Variants in CNTN5 observed in about 807,000 individuals in gnomAD.
CNTN5 encodes contactin 5, also known as contactin-5.
CNTN5 carries 77 observed loss-of-function variants against 129.1 expected under a neutral mutation model. The ratio of observed to expected loss-of-function variants is 0.60; its 90% CI spans 0.50 to 0.72. CNTN5 has a LOEUF of 0.72. CNTN5 is among the 30% of genes least tolerant of loss of function. The pLI, the probability that CNTN5 is intolerant of heterozygous loss-of-function variation, is 0.00. For missense variants in CNTN5, 1,478 were observed against 1,328.8 expected, an observed-to-expected ratio of 1.11 and a Z score of -1.75; for synonymous variants, 509 against 465.6, an observed-to-expected ratio of 1.09 and a Z score of -1.20.
intron 4 of CNTN5, among the ~76,000 whole-genome samples, chr11:99,839,131 AAGG>A (rs1296820547): frequency 6.6e-6 from 1 of 152,166 alleles, no homozygotes; most frequent in Non-Finnish European, 1.5e-5. Flanking sequence ...CAAGATTAAA[AAGG>A]AGGCATGAAA....
At chr11:99,380,081 C>CTGTGTGTGTGTGTG (rs10671165) in intron 2 of CNTN5, among the ~76,000 whole-genome samples, 1 of 148,194 alleles carries the variant, frequency 6.7e-6, no homozygotes, top group East Asian at 2.0e-4. Context: ...AATGGTGTGT[C>CTGTGTGTGTGTGTG]TGTGTGTGTG....
intron 3 of CNTN5, among the ~76,000 whole-genome samples, chr11:99,595,784 A>G (rs1017920777): frequency 4.6e-5 from 7 of 151,900 alleles, no homozygotes; most frequent in Non-Finnish European, 1.0e-4. Context: ...ATGACTGTAT[A>G]TACTATTAGT....
At chr11:99,293,752 A>G (rs1037577965) in intron 1 of CNTN5, among the ~76,000 whole-genome samples, 4 of 151,990 alleles carry the variant, frequency 2.6e-5, no homozygotes, top group African/African-American at 7.2e-5. Context: ...TTTTTCTGGT[A>G]CCAGGTGTAA....
chr11:99,957,072 G>T (rs949935458), intron 8 of CNTN5, 63 bp downstream of exon 8: 8 of 1,381,074 alleles, frequency 5.8e-6, no homozygotes, highest in East Asian at 2.4e-5. Context: ...AGATGTATTA[G>T]TGTGTGTTTT....
chr11:99,322,791 A>G (rs966581669), intron 1 of CNTN5, among the ~76,000 whole-genome samples: 1 of 152,206 alleles, frequency 6.6e-6, no homozygotes, highest in Non-Finnish European at 1.5e-5. Context: ...AGAGGGAGTT[A>G]TGATTGTAAA....
At chr11:99,950,674 T>G (rs1021687527) in intron 7 of CNTN5, among the ~76,000 whole-genome samples, 1 of 152,180 alleles carries the variant, frequency 6.6e-6, no homozygotes, top group Non-Finnish European at 1.5e-5. Flanking sequence ...AAATTGTGCT[T>G]TATGCTAGAT....
At chr11:99,309,740 C>T (rs984773071) in intron 1 of CNTN5, among the ~76,000 whole-genome samples, 16 of 152,140 alleles carry the variant, frequency 1.1e-4, no homozygotes, top group African/African-American at 3.9e-4. Context: ...CCAAAATTCC[C>T]TACGATGGTT....
intron 2 of CNTN5, among the ~76,000 whole-genome samples, chr11:99,418,578 G>A (rs978337577): frequency 6.6e-6 from 1 of 152,244 alleles, no homozygotes; most frequent in African/African-American, 2.4e-5. Context: ...CTTTTTGGAA[G>A]TTTTCGGTAC....
intron 1 of CNTN5, among the ~76,000 whole-genome samples, chr11:99,239,021 G>T (rs968438581): frequency 6.6e-6 from 1 of 152,012 alleles, no homozygotes; most frequent in African/African-American, 2.4e-5. Flanking sequence ...GGTTTATGTA[G>T]TAGTTTATTT....
At position 99,746,004 on chromosome 11, in the gene CNTN5, A is replaced by G. The variant is rs540583173; in HGVS notation, c.56-73540A>G. 8.5e-5 allele frequency among the ~76,000 whole-genome samples: 13 copies of G among 152,350 alleles called. No homozygotes were observed. In the South Asian group the frequency reaches 2.7e-3, roughly 32 times the overall value. On this transcript the variant is annotated intron_variant, in intron 3 of 24. Transcript: ENST00000524871. ...AGGGAAGTATTACCAAAAAAGTAACACTAAAAGGATTTTGAAAGGTTAAGA... is the reference window on the plus strand; with the variant it reads ...AGGGAAGTATTACCAAAAAAGTAACGCTAAAAGGATTTTGAAAGGTTAAGA...
chr11:100,005,587 T>C (rs1182036229), intron 9 of CNTN5, among the ~76,000 whole-genome samples: 1 of 152,146 alleles, frequency 6.6e-6, no homozygotes, highest in Non-Finnish European at 1.5e-5. Context: ...GAAACTTTAT[T>C]TTTATTTTAT....
intron 1 of CNTN5, among the ~76,000 whole-genome samples, chr11:99,090,096 T>C (rs1258161241): frequency 1.3e-5 from 2 of 152,356 alleles, no homozygotes; most frequent in East Asian, 3.9e-4. Flanking sequence ...ATGATGATTG[T>C]TTTTAATAGA....
In CNTN5 at chr11:99,122,149, T is replaced by C. The variant is rs942134864; in HGVS notation, c.-210+100879T>C. On this transcript the variant is annotated intron_variant, in intron 1 of 24. Transcript: ENST00000524871. ...CCCTCCAACCTCCCCCCAACTCCAC[T>C]TTTTATGTTCTTTTTTCTTCTTGCT... 3.9e-5 allele frequency among the ~76,000 whole-genome samples: 6 copies of C among 151,954 alleles called. No individual in the cohort carries two copies. The East Asian group carries it at 1.2e-3, about 29-fold the overall frequency.
intron 21 of CNTN5, among the ~76,000 whole-genome samples, chr11:100,331,667 G>A (rs1019242267): frequency 1.3e-5 from 2 of 151,962 alleles, no homozygotes; most frequent in African/African-American, 4.8e-5. Context: ...AATTGGAGAT[G>A]AGTTCAAAAA....
intron 1 of CNTN5, among the ~76,000 whole-genome samples, chr11:99,112,010 C>A (rs1416996006): frequency 6.6e-6 from 1 of 151,982 alleles, no homozygotes; most frequent in Non-Finnish European, 1.5e-5. Flanking sequence ...CTCAACTTCT[C>A]CCACAAATAA....
chr11:100,218,917 A>T (rs542737144), intron 15 of CNTN5, among the ~76,000 whole-genome samples: 41 of 152,316 alleles, frequency 2.7e-4, no homozygotes, highest in Admixed American at 2.7e-3. Context: ...TTAACTTAGC[A>T]TTGGCATAGC....
intron 2 of CNTN5, among the ~76,000 whole-genome samples, chr11:99,534,927 A>G (rs1338746173): frequency 1.3e-5 from 2 of 152,136 alleles, no homozygotes; most frequent in Non-Finnish European, 2.9e-5. Flanking sequence ...GGTATGTTGG[A>G]AAGGAGCTGG....
At chr11:99,975,163 G>A (rs577692760) in intron 8 of CNTN5, among the ~76,000 whole-genome samples, 1 of 152,184 alleles carries the variant, frequency 6.6e-6, no homozygotes, top group Non-Finnish European at 1.5e-5. Flanking sequence ...GGCAAAGGAG[G>A]AAAAGTTTTT....
chr11:99,260,527 C>T (rs1862578933), intron 1 of CNTN5, among the ~76,000 whole-genome samples: 1 of 151,782 alleles, frequency 6.6e-6, no homozygotes, highest in South Asian at 2.1e-4. Flanking sequence ...ATTCTTTTAT[C>T]TCTTCCTTTA....
Sources: allele counts gnomAD v4.1 joint callset (sites outside exome capture counted in the v4.1 genomes callset), GRCh38; gene constraint gnomAD v4.1.1; transcripts MANE v1.5; gene names NCBI Gene and HGNC (gene_info 2026-07-23, HGNC 2026-07-21).